Variants in VAV3 observed in about 807,000 individuals in gnomAD.
VAV3 encodes the protein guanine nucleotide exchange factor VAV3.
In VAV3, 94 loss-of-function variants were observed where a neutral mutation model predicts 131.2. The ratio of observed to expected loss-of-function variants is 0.72; its 90% CI spans 0.61 to 0.85. The LOEUF (loss-of-function observed/expected upper bound fraction) is 0.85, where lower values mean the gene tolerates loss of function less well. Ranked by LOEUF, VAV3 falls within the 40% of genes least tolerant of loss-of-function variation. The pLI is 0.00. For synonymous variants in VAV3, 349 were observed against 342.0 expected, an observed-to-expected ratio of 1.02 and a Z score of -0.22; for missense variants, 939 against 1,002.7, an observed-to-expected ratio of 0.94 and a Z score of 0.86.
intron 12 of VAV3, among the ~76,000 whole-genome samples, chr1:107,753,527 C>CACATATATATATATATATATATACAT (rs752202122): frequency 1.1e-5 from 1 of 94,738 alleles, no homozygotes; most frequent in Non-Finnish European, 2.2e-5. Context: ...TATATATATA[C>CACATATATATATATATATATATACAT]GTATATATAT....
intron 15 of VAV3, among the ~76,000 whole-genome samples, chr1:107,729,580 C>CACGA (rs1662094760): frequency 6.6e-6 from 1 of 152,016 alleles, no homozygotes; most frequent in Non-Finnish European, 1.5e-5. Context: ...GTACGGAATC[C>CACGA]CTGTTCTGTG....
chr1:107,688,501 C>G, intron 17 of VAV3, 95 bp from the exon 18 acceptor site: 1 of 1,583,632 alleles, frequency 6.3e-7, no homozygotes, highest in Non-Finnish European at 8.6e-7. Flanking sequence ...AACACCACTG[C>G]TTTGTTTTCT....
At chr1:107,717,038 A>G (rs990955037) in intron 15 of VAV3, among the ~76,000 whole-genome samples, 9 of 152,218 alleles carry the variant, frequency 5.9e-5, no homozygotes, top group African/African-American at 2.2e-4. Flanking sequence ...AGGTGTTTAT[A>G]GTATTCTCTG....
chr1:107,689,577 G>A (rs796126213), intron 17 of VAV3, among the ~76,000 whole-genome samples: 2 of 151,668 alleles, frequency 1.3e-5, no homozygotes, highest in South Asian at 4.2e-4. Flanking sequence ...AGATCCATGG[G>A]CAGAAAGTCA....
intron 15 of VAV3, 75 bp downstream of exon 15, chr1:107,748,893 C>A (rs1663522297): frequency 3.6e-6 from 4 of 1,114,724 alleles, no homozygotes; most frequent in Admixed American, 2.4e-5. Flanking sequence ...TTAGAGTACA[C>A]TTATTGGTTG....
intron 1 of VAV3, among the ~76,000 whole-genome samples, chr1:107,920,128 T>C (rs539348450): frequency 4.6e-5 from 7 of 152,316 alleles, no homozygotes; most frequent in South Asian, 4.1e-4. Flanking sequence ...TTCCAGAACA[T>C]AGTGTGTGAA....
intron 21 of VAV3, among the ~76,000 whole-genome samples, chr1:107,613,232 T>A (rs1219067275): frequency 1.3e-5 from 2 of 152,168 alleles, no homozygotes; most frequent in East Asian, 3.9e-4. Context: ...TGTTGATTAA[T>A]TTTAATATAT....
At chr1:107,916,883 G>T (rs539755916) in intron 1 of VAV3, among the ~76,000 whole-genome samples, 2 of 152,296 alleles carry the variant, frequency 1.3e-5, no homozygotes, top group South Asian at 4.1e-4. Flanking sequence ...GGCCACAAAT[G>T]ATGGTTAGGG....
chr1:107,640,087 A>G (rs1655228370), intron 20 of VAV3, among the ~76,000 whole-genome samples: 1 of 152,210 alleles, frequency 6.6e-6, no homozygotes, highest in Non-Finnish European at 1.5e-5. Flanking sequence ...GTATATCTAC[A>G]TATGATCTAT....
intron 2 of VAV3, among the ~76,000 whole-genome samples, chr1:107,787,065 C>T (rs1224976266): frequency 6.6e-6 from 1 of 152,052 alleles, no homozygotes; most frequent in East Asian, 1.9e-4. Flanking sequence ...CTCTGAAGGA[C>T]CATTTATGGA....
chr1:107,718,602 G>A lies in VAV3; in HGVS notation c.1503-13541C>T, dbSNP rs559669648. 4.6e-5 allele frequency among the ~76,000 whole-genome samples: 7 copies of A among 152,252 alleles called. No individual in the cohort carries two copies. In the South Asian group the frequency reaches 1.5e-3, roughly 32 times the overall value. On this transcript the variant is annotated intron_variant, in intron 15 of 26. Transcript: ENST00000370056. ...AACATTCCATGCTCATGGATAGGAA[G>A]AATCAATATCATGAAAATGGCCATA...
chr1:107,747,908 T>A (rs1316876554), intron 15 of VAV3, among the ~76,000 whole-genome samples: 1 of 152,138 alleles, frequency 6.6e-6, no homozygotes, highest in African/African-American at 2.4e-5. Context: ...TACTCCCACC[T>A]CTAGTTTACA....
intron 21 of VAV3, among the ~76,000 whole-genome samples, chr1:107,611,205 G>T (rs1345301118): frequency 1.3e-5 from 2 of 152,168 alleles, no homozygotes; most frequent in African/African-American, 4.8e-5. Context: ...TAAAAAGTTT[G>T]GACTTTAGAG....
At chr1:107,720,339 T>C (rs913275274) in intron 15 of VAV3, among the ~76,000 whole-genome samples, 171 of 148,772 alleles carry the variant, frequency 1.1e-3, no homozygotes, top group African/African-American at 4.1e-3. Flanking sequence ...GCTGTGATCA[T>C]GCCACTGCAC....
At chr1:107,933,707 T>C (rs1015952160) in intron 1 of VAV3, among the ~76,000 whole-genome samples, 2 of 149,722 alleles carry the variant, frequency 1.3e-5, no homozygotes, top group Non-Finnish European at 2.9e-5. Context: ...TTCCAGCTCC[T>C]CAGGAGGCTG....
At position 107,647,908 on chromosome 1, in the gene VAV3, C is replaced by T. The variant is rs1016793060; in HGVS notation, c.1778-5153G>A. Among the ~76,000 whole-genome samples, 15 of 152,014 alleles carry T rather than the reference C, an allele frequency of 9.9e-5. 1 individual carries two copies. Among genetic ancestry groups the T allele is most frequent in the Admixed American group, 9.2e-4 (14 of 15,232 alleles). ...TAAGAATCAGGTTGAGCCTGGGATG[C>T]TAGGTGCTGGGATTCCCCTGACATC... On this transcript the variant is annotated intron_variant, in intron 19 of 26. Transcript: ENST00000370056.
intron 19 of VAV3, chr1:107,669,490 GAAAT>G (rs1657631192): frequency 1.6e-6 from 2 of 1,280,084 alleles, no homozygotes; most frequent in African/African-American, 3.1e-5. Flanking sequence ...AGACAAGAAA[GAAAT>G]AAACACATTT....
chr1:107,812,729 A>G (rs1296420952), intron 2 of VAV3, among the ~76,000 whole-genome samples: 1 of 152,196 alleles, frequency 6.6e-6, no homozygotes, highest in Non-Finnish European at 1.5e-5. Context: ...GGGGTCAAGC[A>G]CTAGGAATAG....
chr1:107,773,543 G>A (rs1665168826), intron 4 of VAV3, among the ~76,000 whole-genome samples: 1 of 152,040 alleles, frequency 6.6e-6, no homozygotes. Context: ...TTATATTCAG[G>A]GCCATAACTA....
Sources: gnomAD v4.1 joint callset for allele counts (sites outside exome capture counted in the v4.1 genomes callset) on GRCh38, gnomAD v4.1.1 for gene constraint, MANE v1.5 for transcripts, NCBI Gene and HGNC (gene_info 2026-07-23, HGNC 2026-07-21) for gene names.